PPM1E: variants seen among roughly 807,000 people sequenced by gnomAD.
PPM1E encodes the protein protein phosphatase 1E.
In PPM1E, 20 loss-of-function variants were observed where a neutral mutation model predicts 65.9. That is an observed-to-expected ratio of 0.30 (90% CI 0.21 to 0.44). The LOEUF is 0.44. Among genes scored for constraint, PPM1E ranks in the 20% least tolerant of loss-of-function variants. PPM1E has a pLI of 1.00. For missense variants in PPM1E, 713 were observed against 953.1 expected (o/e 0.75, Z 3.32); for synonymous variants, 352 against 374.9 (o/e 0.94, Z 0.70).
At chr17:58,838,164 T>C (rs1208138306) in intron 1 of PPM1E, among the ~76,000 whole-genome samples, 3 of 152,158 alleles carry the variant, frequency 2.0e-5, no homozygotes, top group African/African-American at 4.8e-5. Context: ...ACAACTCAAA[T>C]AGCATGGAGG....
chr17:58,871,934 T>C (rs2051075552), intron 1 of PPM1E, among the ~76,000 whole-genome samples: 1 of 152,226 alleles, frequency 6.6e-6, no homozygotes, highest in Non-Finnish European at 1.5e-5. Flanking sequence ...TCACAAAGAT[T>C]CATTTCCTCT....
At chr17:58,934,921 C>T (rs1184734024) in intron 1 of PPM1E, among the ~76,000 whole-genome samples, 9 of 138,088 alleles carry the variant, frequency 6.5e-5, no homozygotes, top group African/African-American at 1.0e-4. Context: ...AGCGAGACTC[C>T]GTCTCAAAAA....
At chr17:58,855,677 C>T (rs144508669) in intron 1 of PPM1E, among the ~76,000 whole-genome samples, 8 of 152,062 alleles carry the variant, frequency 5.3e-5, no homozygotes, top group Admixed American at 4.6e-4. Flanking sequence ...TAAGTTAGGA[C>T]CTTAAAGATA....
intron 6 of PPM1E, among the ~76,000 whole-genome samples, chr17:58,974,784 T>G (rs183409017): frequency 2.1e-4 from 32 of 152,332 alleles, no homozygotes; most frequent in Admixed American, 7.8e-4. Context: ...GGATTTAGCT[T>G]TCACCACTGA....
Position 58,936,114 on chromosome 17 carries a change from G to A in PPM1E, c.465-19535G>A, listed in dbSNP as rs370839885. 8.5e-5 allele frequency among the ~76,000 whole-genome samples: 13 copies of A among 152,110 alleles called. No homozygotes were observed. The East Asian group carries it at 1.2e-3, about 14-fold the overall frequency. On this transcript the variant is annotated intron_variant, in intron 1 of 6. Transcript: ENST00000308249. ...TGTAGAAAAACTAATGAAGAGAATCGGTGGTGTGTGGGCATTGCAATCAGT... is the reference window on the plus strand; with the variant it reads ...TGTAGAAAAACTAATGAAGAGAATCAGTGGTGTGTGGGCATTGCAATCAGT...
chr17:58,857,829 T>G (rs574987959), intron 1 of PPM1E, among the ~76,000 whole-genome samples: 63 of 152,252 alleles, frequency 4.1e-4, no homozygotes, highest in Middle Eastern at 3.4e-3. Flanking sequence ...TTCATAAAAC[T>G]TCCATTATTT....
intron 1 of PPM1E, among the ~76,000 whole-genome samples, chr17:58,793,460 A>G (rs1044781538): frequency 2.0e-5 from 3 of 151,532 alleles, no homozygotes; most frequent in Non-Finnish European, 2.9e-5. Flanking sequence ...AGTTCATGCC[A>G]TTTTCCTGCC....
At chr17:58,768,763 G>A (rs576663839) in intron 1 of PPM1E, among the ~76,000 whole-genome samples, 5 of 152,186 alleles carry the variant, frequency 3.3e-5, no homozygotes, top group Admixed American at 6.6e-5. Context: ...TCTGCCTCCC[G>A]GGTTAAAGTG....
rs925743048 is a variant in PPM1E at position 58,982,092 on chromosome 17, T to C, written c.*1061T>C. The C allele has an allele frequency of 1.3e-4, 20 of 152,656 alleles. No homozygotes were observed. The highest frequency in any genetic ancestry group is 4.8e-4 in the African/African-American group (20 of 41,450). The allele number at this position is 152,656 out of a possible 1,614,324, so 9.5% of individuals were successfully genotyped here. On this transcript the variant is annotated 3_prime_UTR_variant, in exon 7 of 7. Transcript: ENST00000308249. The stretch of plus-strand genomic sequence containing the variant: ...GGAATGAAGGAGGCTGAAAGTATTG[T>C]CTAAAGTGAGCCCAGAGGCCACTGA...
At chr17:58,977,630 C>G (rs775468108) in intron 6 of PPM1E, among the ~76,000 whole-genome samples, 7 of 152,166 alleles carry the variant, frequency 4.6e-5, no homozygotes, top group Non-Finnish European at 7.3e-5. Context: ...TGTATCTAAT[C>G]ATGCAACCTG....
chr17:58,808,990 T>C (rs533202200), intron 1 of PPM1E, among the ~76,000 whole-genome samples: 28 of 152,326 alleles, frequency 1.8e-4, no homozygotes, highest in African/African-American at 6.7e-4. Flanking sequence ...TTAAAACAAG[T>C]CTCATTTCTT....
intron 1 of PPM1E, among the ~76,000 whole-genome samples, chr17:58,796,302 C>T (rs935804408): frequency 1.3e-5 from 2 of 152,168 alleles, no homozygotes; most frequent in Admixed American, 1.3e-4. Context: ...TCCTTAGCCT[C>T]CCAAAGTGCT....
chr17:58,938,568 G>A (rs2052017613), intron 1 of PPM1E, among the ~76,000 whole-genome samples: 1 of 151,922 alleles, frequency 6.6e-6, no homozygotes, highest in Non-Finnish European at 1.5e-5. Flanking sequence ...GAGTATCTGA[G>A]GTATCTATGA....
intron 1 of PPM1E, among the ~76,000 whole-genome samples, chr17:58,759,898 A>G (rs1242715813): frequency 1.3e-5 from 2 of 152,266 alleles, no homozygotes; most frequent in Non-Finnish European, 2.9e-5. Flanking sequence ...TAATTTACAA[A>G]TATATAAATG....
intron 1 of PPM1E, among the ~76,000 whole-genome samples, chr17:58,782,354 G>A (rs2050058269): frequency 1.3e-5 from 2 of 151,370 alleles, no homozygotes; most frequent in Non-Finnish European, 2.9e-5. Context: ...AAAGGCAAGT[G>A]CAACTAAAAC....
rs201816613 is a variant in PPM1E at position 58,951,673 on chromosome 17, T to TAA, written c.465-3960_465-3959dup. 4.9e-3 allele frequency among the ~76,000 whole-genome samples: 638 copies of TAA among 129,700 alleles called. 2 individuals are homozygous for TAA. Among genetic ancestry groups the TAA allele is most frequent in the Admixed American group, 8.4e-3 (107 of 12,668 alleles). The allele number at this position is 129,700 out of a possible 152,430, so 85.1% of individuals were successfully genotyped here. A position where few individuals can be genotyped will look rare whatever the true frequency, so the allele number is the denominator to read the frequency against. The stretch of plus-strand genomic sequence containing the variant: ...CTGGGCAACAGAGTGAGACTCTCTT[T>TAA]AAAAAAAAAAAAAAAAAGAAAGAAA... On this transcript the variant is annotated intron_variant, in intron 1 of 6. Coordinates refer to ENST00000308249, the MANE Select transcript of PPM1E (RefSeq NM_014906.5).
chr17:58,792,235 C>T (rs905853229), intron 1 of PPM1E, among the ~76,000 whole-genome samples: 2 of 148,756 alleles, frequency 1.3e-5, no homozygotes, highest in Non-Finnish European at 3.0e-5. Flanking sequence ...TGTATCTTGC[C>T]TTATACAATA....
chr17:58,790,554 A>G (rs1003240835), intron 1 of PPM1E, among the ~76,000 whole-genome samples: 1 of 152,142 alleles, frequency 6.6e-6, no homozygotes, highest in Non-Finnish European at 1.5e-5. Context: ...AGAAATAAAC[A>G]TTTTGGAACT....
At position 58,963,248 on chromosome 17, in the gene PPM1E, G is replaced by A. The variant is rs188838056; in HGVS notation, c.584-2446G>A. ...AAACATACAACAAAATTAGCTGAGT[G>A]TGGTGGCGGGTGCCTGTAATCCCAG... is the stretch of plus-strand genomic sequence containing the variant. On this transcript the variant is annotated intron_variant, in intron 2 of 6. Transcript: ENST00000308249. Among the ~76,000 whole-genome samples, 3 of 151,666 alleles carry A rather than the reference G, an allele frequency of 2.0e-5. No individual in the cohort carries two copies. The South Asian group carries it at 6.3e-4, about 32-fold the overall frequency.
Sources: allele counts gnomAD v4.1 joint callset (sites outside exome capture counted in the v4.1 genomes callset), GRCh38; gene constraint gnomAD v4.1.1; transcripts MANE v1.5; gene names NCBI Gene and HGNC (gene_info 2026-07-23, HGNC 2026-07-21).